PABPC1L: variants seen among roughly 807,000 people sequenced by gnomAD.
PABPC1L encodes the protein poly(A) binding protein cytoplasmic 1 like, also known as polyadenylate-binding protein 1-like.
A neutral mutation model predicts 66.6 loss-of-function variants in PABPC1L; 31 were observed. The observed-to-expected ratio is 0.47, with a 90% CI of 0.35 to 0.63. The LOEUF (loss-of-function observed/expected upper bound fraction) is 0.63. Ranked by LOEUF, PABPC1L falls within the 20% of genes least tolerant of loss-of-function variation. PABPC1L has a pLI of 0.00. For synonymous variants in PABPC1L, 348 were observed against 335.1 expected (o/e 1.04, Z -0.42); for missense variants, 722 against 848.8 (o/e 0.85, Z 1.86).
At chr20:44,925,926 G>T (rs560463226) in intron 7 of PABPC1L, among the ~76,000 whole-genome samples, 1 of 152,262 alleles carries the variant, frequency 6.6e-6, no homozygotes, top group South Asian at 2.1e-4. Context: ...TGAGGCAAGT[G>T]GCTTTGCTTT....
Position 44,912,611 on chromosome 20 carries a change from A to G in PABPC1L, c.194-49A>G, listed in dbSNP as rs138218254. 2.9e-4 allele frequency: 433 copies of G among 1,514,330 alleles called. 1 individual carries two copies. In the African/African-American group the frequency reaches 5.1e-3, roughly 18 times the overall value. 93.8% of individuals were successfully genotyped at this position (1,514,330 alleles called of 1,614,324 possible). A position where few individuals can be genotyped will look rare whatever the true frequency, so the allele number is the denominator to read the frequency against. On this transcript the variant is annotated intron_variant, in intron 1 of 14. Coordinates refer to ENST00000217073, the MANE Select transcript of PABPC1L (RefSeq NM_001372179.1). Reference sequence around the variant, plus strand: ...ACCTCGAGGGGTGGGTGATCAAGGTAAGAAAATTCCCTAAACTTGCTAATT... The same window carrying G: ...ACCTCGAGGGGTGGGTGATCAAGGTGAGAAAATTCCCTAAACTTGCTAATT...
chr20:44,938,694 G>T lies in PABPC1L; in HGVS notation c.1812G>T (p.Val604=), dbSNP rs750651969. The change falls in exon 14 of 15, where the codon GTG becomes GTT. Residue 604 remains valine, a synonymous_variant. Coordinates refer to ENST00000217073, the MANE Select transcript of PABPC1L (RefSeq NM_001372179.1). The part of the protein sequence containing the change: ...LHAKIDEAVA[V]LQAHQAMEQP... Reference sequence around the variant, plus strand: ...CACAGATAGACGAGGCAGTGGCCGTGCTGCAGGCACACCAGGCTATGGAGC... The same window carrying T: ...CACAGATAGACGAGGCAGTGGCCGTTCTGCAGGCACACCAGGCTATGGAGC... The T allele has an allele frequency of 6.2e-7, 1 of 1,611,026 alleles. No homozygotes were observed. The highest frequency in any genetic ancestry group is 8.5e-7 in the Non-Finnish European group (1 of 1,178,848).
At chr20:44,938,547 T>A (rs2066919345) in intron 13 of PABPC1L, 127 bp from the exon 14 acceptor site, 1 of 1,099,860 alleles carries the variant, frequency 9.1e-7, no homozygotes, top group Admixed American at 2.3e-5. Context: ...GATGGGAGGG[T>A]TCCACAGAAA....
intron 7 of PABPC1L, among the ~76,000 whole-genome samples, chr20:44,930,077 G>A (rs1222358232): frequency 2.6e-5 from 4 of 152,084 alleles, no homozygotes; most frequent in Non-Finnish European, 4.4e-5. Flanking sequence ...AGTGGGAGCC[G>A]CGATGCCTCC....
chr20:44,919,341 C>A, intron 5 of PABPC1L, 64 bp downstream of exon 5: 1 of 1,548,448 alleles, frequency 6.5e-7, no homozygotes, highest in Non-Finnish European at 8.8e-7. Context: ...AGAAGAGGGT[C>A]CCAGCTGCCT....
Position 44,910,205 on chromosome 20 carries a change from A to C in PABPC1L, c.62A>C (p.Asp21Ala). The stretch of plus-strand genomic sequence containing the variant: ...CTTTACGTGGGCGATCTGCACCCCG[A>C]CGTGACCGAGGCCATGCTCTATGAG... ...ASLYVGDLHP[D>A]VTEAMLYEKF... The change falls in exon 1 of 15, where the codon GAC (aspartate) becomes GCC (alanine). Residue 21 changes from aspartate (D) to alanine (A), a missense_variant. Asp to Ala is a moderately radical substitution (Grantham distance 126). This residue lies in a region of PABPC1L where 284 missense variants were observed against 294.8 expected (regional missense o/e 0.96). Transcript: ENST00000217073. 2 of 1,580,516 alleles carry C rather than the reference A, an allele frequency of 1.3e-6. No homozygotes were observed. Among genetic ancestry groups the C allele is most frequent in the Non-Finnish European group, 1.7e-6 (2 of 1,163,574 alleles).
intron 12 of PABPC1L, 126 bp downstream of exon 12, chr20:44,936,856 T>C (rs1210701903): frequency 1.0e-6 from 1 of 990,880 alleles, no homozygotes; most frequent in African/African-American, 1.6e-5. Context: ...CCGACCCCCC[T>C]ACTGGGTGAC....
rs566173686 is a variant in PABPC1L, at chr20:44,936,821, G to A, written c.1660+91G>A. 412 of 1,330,154 alleles carry A rather than the reference G, an allele frequency of 3.1e-4. 1 individual carries two copies. Among genetic ancestry groups the A allele is most frequent in the Non-Finnish European group, 3.9e-4 (371 of 945,458 alleles). The allele number at this position is 1,330,154 out of a possible 1,614,324, so 82.4% of individuals were successfully genotyped here. On this transcript the variant is annotated intron_variant, in intron 12 of 14. Coordinates refer to ENST00000217073, the MANE Select transcript of PABPC1L (RefSeq NM_001372179.1). ...GAAACACCTCACCTGGTGGTCCAAC[G>A]TGAGGTCAAATTCCAGCTTTGTCAC...
chr20:44,935,698 T>G (rs1476903029), intron 11 of PABPC1L, among the ~76,000 whole-genome samples: 3 of 152,208 alleles, frequency 2.0e-5, no homozygotes, highest in African/African-American at 7.2e-5. Context: ...TACAATTTGT[T>G]TTGCTTCGGT....
Position 44,937,072 on chromosome 20 carries a change from G to A in PABPC1L, c.1660+342G>A, listed in dbSNP as rs573240125. 4.0e-4 allele frequency: 188 copies of A among 475,124 alleles called. 2 individuals carry two copies. The highest frequency in any genetic ancestry group is 5.5e-5 in the Non-Finnish European group (13 of 236,654). The allele number at this position is 475,124 out of a possible 1,614,324, so 29.4% of individuals were successfully genotyped here. A position where few individuals can be genotyped will look rare whatever the true frequency, so the allele number is the denominator to read the frequency against. ...TGCTGAGAAATGGCTTGTAGGTGGGGGGTTAAAGTTCCTCACACCTCTCCT... is the reference window on the plus strand; with the variant it reads ...TGCTGAGAAATGGCTTGTAGGTGGGAGGTTAAAGTTCCTCACACCTCTCCT... On this transcript the variant is annotated intron_variant, in intron 12 of 14. Transcript: ENST00000217073.
At chr20:44,926,595 G>A (rs1008363106) in intron 7 of PABPC1L, among the ~76,000 whole-genome samples, 1 of 148,532 alleles carries the variant, frequency 6.7e-6, no homozygotes, top group East Asian at 2.0e-4. Context: ...CGCCCAGGCT[G>A]GAGTGCAATG....
At chr20:44,936,420 G>A (rs947118260) in intron 11 of PABPC1L, among the ~76,000 whole-genome samples, 1 of 152,124 alleles carries the variant, frequency 6.6e-6, no homozygotes, top group Non-Finnish European at 1.5e-5. Context: ...TTATAAGTTC[G>A]TAGCACTACA....
At chr20:44,934,085 G>A (rs1412093790) in intron 10 of PABPC1L, among the ~76,000 whole-genome samples, 1 of 152,178 alleles carries the variant, frequency 6.6e-6, no homozygotes, top group Non-Finnish European at 1.5e-5. Flanking sequence ...ATGCATGAAA[G>A]GGCTTAGCAC....
chr20:44,924,418 A>G (rs2066794855), intron 7 of PABPC1L, among the ~76,000 whole-genome samples, 162 bp downstream of exon 7: 1 of 151,996 alleles, frequency 6.6e-6, no homozygotes. Context: ...GCTTGTAGCC[A>G]TCTGCAGCCT....
In PABPC1L at chr20:44,933,108, G is replaced by A. The variant is rs373736182; in HGVS notation, c.1382G>A (p.Arg461His). 6.2e-6 allele frequency: 10 copies of A among 1,606,352 alleles called. No homozygotes were observed. The highest frequency in any genetic ancestry group is 4.5e-5 in the East Asian group (2 of 44,618). ...SMVRPPVVPRRPPAHISSVRQ... is the reference protein window; with the variant it reads ...SMVRPPVVPRHPPAHISSVRQ... ...GTCCGGCCACCAGTTGTGCCTCGGC[G>A]CCCCCCGGCCCACATCAGCAGTGTC... Residue 461 changes from arginine to histidine, a missense_variant, in exon 10 of 15, where the codon CGC becomes CAC. Physicochemically the swap from Arg to His is conservative, Grantham distance 29 (BLOSUM62 0). Coordinates refer to ENST00000217073, the MANE Select transcript of PABPC1L (RefSeq NM_001372179.1).
Position 44,924,275 on chromosome 20 carries a change from T to A in PABPC1L, c.972+19T>A. 2 of 1,573,022 alleles carry A rather than the reference T, an allele frequency of 1.3e-6. No individual in the cohort carries two copies. Among genetic ancestry groups the A allele is most frequent in the Non-Finnish European group, 1.7e-6 (2 of 1,143,022 alleles). Reference sequence around the variant, plus strand: ...TGCGAAGGTGAGGACTGGGGGCACCTCCGGGGGACAGCGTTCCCCTCCATC... The same window carrying A: ...TGCGAAGGTGAGGACTGGGGGCACCACCGGGGGACAGCGTTCCCCTCCATC... On this transcript the variant is annotated intron_variant, in intron 7 of 14. Transcript: ENST00000217073.
At chr20:44,913,873 G>A (rs1362097135) in intron 2 of PABPC1L, among the ~76,000 whole-genome samples, 2 of 152,208 alleles carry the variant, frequency 1.3e-5, no homozygotes, top group Non-Finnish European at 2.9e-5. Flanking sequence ...TACATTAGAT[G>A]TAAGTTCCAT....
chr20:44,938,242 A>G, intron 13 of PABPC1L, 51 bp downstream of exon 13: 2 of 1,592,182 alleles, frequency 1.3e-6, no homozygotes, highest in Non-Finnish European at 1.7e-6. Context: ...GAGGAGAGCT[A>G]ACGACAAGGG....
rs1568649987 is a variant in PABPC1L at position 44,931,033 on chromosome 20, TCCC to T, written c.1239+308_1239+310del. ...CCTTCCTTCCCTTCCCTCCCTTCCCTCCCTTCCCTCCCTTCCCTTCCCTTCCCT... is the reference window on the plus strand; with the variant it reads ...CCTTCCTTCCCTTCCCTCCCTTCCCTTTCCCTCCCTTCCCTTCCCTTCCCT... On this transcript the variant is annotated intron_variant, in intron 8 of 14. Coordinates refer to ENST00000217073, the MANE Select transcript of PABPC1L (RefSeq NM_001372179.1). 1.5e-3 allele frequency among the ~76,000 whole-genome samples: 41 copies of T among 27,556 alleles called. 2 individuals are homozygous for T. Among genetic ancestry groups the T allele is most frequent in the African/African-American group, 6.5e-3 (38 of 5,838 alleles). The allele number at this position is 27,556 out of a possible 152,430, so 18.1% of individuals were successfully genotyped here. A position where few individuals can be genotyped will look rare whatever the true frequency, so the allele number is the denominator to read the frequency against.
Sources: allele counts gnomAD v4.1 joint callset (sites outside exome capture counted in the v4.1 genomes callset), GRCh38; gene constraint gnomAD v4.1.1; regional missense constraint gnomAD v4.1.1; transcripts MANE v1.5; gene names NCBI Gene and HGNC (gene_info 2026-07-23, HGNC 2026-07-21).